Variants in KIF19 observed in about 807,000 individuals in gnomAD.
The protein encoded by KIF19 is kinesin-like protein KIF19.
KIF19 carries 98 observed loss-of-function variants against 106.6 expected under a neutral mutation model. The ratio of observed to expected loss-of-function variants is 0.92; its 90% CI spans 0.78 to 1.09. The LOEUF (loss-of-function observed/expected upper bound fraction) is 1.09. KIF19 is among the 50% of genes least tolerant of loss of function. The pLI is 0.00. For synonymous variants in KIF19, 516 were observed against 584.2 expected (o/e 0.88, Z 1.68); for missense variants, 1,373 against 1,414.3 (o/e 0.97, Z 0.47).
At chr17:74,344,612 C>T in intron 6 of KIF19, 149 bp from the exon 7 acceptor site, 1 of 918,496 alleles carries the variant, frequency 1.1e-6, no homozygotes, top group South Asian at 1.8e-5. Context: ...CACGCCAGGC[C>T]TCTCAGCACA....
At chr17:74,339,873 G>A (rs1376065622) in intron 2 of KIF19, among the ~76,000 whole-genome samples, 1 of 152,176 alleles carries the variant, frequency 6.6e-6, no homozygotes, top group Non-Finnish European at 1.5e-5. Flanking sequence ...GCAGGTGCAG[G>A]GCCTGTGGAA....
chr17:74,350,688 C>T lies in KIF19; in HGVS notation c.1389-19C>T, dbSNP rs1180079465. ...CCCATGGCCTGAATGCCCTGTCTCT[C>T]TGGGTGGGGCTGCGGCAGCTGGAAG... On this transcript the variant is annotated intron_variant, in intron 11 of 19. Transcript: ENST00000389916. 2 of 1,613,302 alleles carry T rather than the reference C, an allele frequency of 1.2e-6. No individual in the cohort carries two copies. The highest frequency in any genetic ancestry group is 2.2e-5 in the East Asian group (1 of 44,886).
In KIF19 at chr17:74,331,895, G is replaced by A. The variant is rs1052088653; in HGVS notation, c.120+3390G>A. ...CCCAGCCGGTTTGGATTTTTAATGG[G>A]GATAGTCCAGTTGCCTTGGAAGGCC... On this transcript the variant is annotated intron_variant, in intron 2 of 19. Transcript: ENST00000389916. This position sits in a 1 kb window ranked among gnomAD's most constrained non-coding sequence, Gnocchi z 4.1. 6.6e-6 allele frequency among the ~76,000 whole-genome samples: 1 copy of A among 151,966 alleles called. No homozygotes were observed. Among genetic ancestry groups the A allele is most frequent in the Non-Finnish European group, 1.5e-5 (1 of 67,980 alleles).
At chr17:74,333,001 G>A (rs550701080) in intron 2 of KIF19, among the ~76,000 whole-genome samples, 49 of 152,332 alleles carry the variant, frequency 3.2e-4, no homozygotes, top group African/African-American at 1.0e-3. Flanking sequence ...GCGCAGCCAC[G>A]CAACTGGGAG....
intron 2 of KIF19, among the ~76,000 whole-genome samples, chr17:74,340,555 G>GCAGACACACACA: frequency 0.015 from 2,185 of 148,296 alleles, 58 homozygotes; most frequent in African/African-American, 0.052. Context: ...ATGCGCGCGC[G>GCAGACACACACA]TACACACACA....
Position 74,354,457 on chromosome 17 carries a change from G to T in KIF19, c.2604G>T (p.Trp868Cys). 6.2e-7 allele frequency: 1 copy of T among 1,610,032 alleles called. No homozygotes were observed. Among genetic ancestry groups the T allele is most frequent in the Admixed American group, 1.7e-5 (1 of 59,542 alleles). Residue 868 changes from tryptophan to cysteine, a missense_variant, in exon 18 of 20, where the codon TGG becomes TGT. Around this residue, in one of 3 missense-constraint regions of KIF19, gnomAD observed 1,020 missense variants for 1,008.2 expected, o/e 1.01. Coordinates refer to ENST00000389916, the MANE Select transcript of KIF19 (RefSeq NM_153209.4). ...ATCATGGGGACGGCCCCAGGCCCTG[G>T]CTGCGTGGCCAGAAGAAAAGCCTGG... Reference protein sequence around the residue: ...VGHHGDGPRPWLRGQKKSLGK... With the variant: ...VGHHGDGPRPCLRGQKKSLGK...
intron 2 of KIF19, among the ~76,000 whole-genome samples, chr17:74,336,929 G>A (rs548211211): frequency 1.3e-5 from 2 of 152,286 alleles, no homozygotes. Context: ...AGGTTTAAGT[G>A]ATTCTCCTGC....
chr17:74,339,045 C>T (rs913608690), intron 2 of KIF19, among the ~76,000 whole-genome samples: 2 of 151,974 alleles, frequency 1.3e-5, no homozygotes, highest in Non-Finnish European at 2.9e-5. Context: ...GTACCCTGCC[C>T]GCTGTTAGGA....
rs916410862 is a variant in KIF19 at position 74,331,796 on chromosome 17, C to T, written c.120+3291C>T. Among the ~76,000 whole-genome samples, 5 of 152,126 alleles carry T rather than the reference C, an allele frequency of 3.3e-5. No individual in the cohort carries two copies. Among genetic ancestry groups the T allele is most frequent in the South Asian group, 2.1e-4 (1 of 4,814 alleles). ...TTTGCTATGGTGGCCAGGCTGGTCT[C>T]GAACTCCTGACCTCAAGTGATACAC... is the stretch of plus-strand genomic sequence containing the variant. On this transcript the variant is annotated intron_variant, in intron 2 of 19. Transcript: ENST00000389916. This position sits in a 1 kb window ranked among gnomAD's most constrained non-coding sequence, Gnocchi z 4.1.
chr17:74,353,647 C>G (rs1414160616), intron 17 of KIF19, 66 bp downstream of exon 17: 2 of 1,324,912 alleles, frequency 1.5e-6, no homozygotes, highest in Admixed American at 3.6e-5. Context: ...GATCACCCAG[C>G]TCAAAGCCCT....
At chr17:74,343,930 C>T (rs1210100225) in intron 5 of KIF19, among the ~76,000 whole-genome samples, 1 of 152,168 alleles carries the variant, frequency 6.6e-6, no homozygotes, top group Admixed American at 6.5e-5. Flanking sequence ...GGGATTCACA[C>T]TCAGGACCCT....
Position 74,353,551 on chromosome 17 carries a change from A to T in KIF19, c.2278A>T (p.Asn760Tyr). 1 of 1,613,796 alleles carries T rather than the reference A, an allele frequency of 6.2e-7. No homozygotes were observed. The highest frequency in any genetic ancestry group is 1.6e-4 in the Middle Eastern group (1 of 6,062). ...WINSSPDSSE[N>Y]LSEIPLSHKE... is the part of the protein sequence containing the mutation. ...CAACTCTTCCCCTGACAGCAGTGAG[A>T]ACCTGTCGGAGATCCCCTTGTCCCA... Residue 760 changes from asparagine (N) to tyrosine (Y), a missense_variant, in exon 17 of 20, where the codon AAC (asparagine) becomes TAC (tyrosine). This residue lies in a region of KIF19 where 1,020 missense variants were observed against 1,008.2 expected (regional missense o/e 1.01). Coordinates refer to ENST00000389916, the MANE Select transcript of KIF19 (RefSeq NM_153209.4).
rs2054858144 is a variant in KIF19, at chr17:74,355,480, A to C, written c.*168A>C. The C allele has an allele frequency of 7.0e-6, 6 of 853,964 alleles. No individual in the cohort carries two copies. The highest frequency in any genetic ancestry group is 1.7e-5 in the African/African-American group (1 of 58,616). 52.9% of individuals were successfully genotyped at this position (853,964 alleles called of 1,614,324 possible). A position where few individuals can be genotyped will look rare whatever the true frequency, so the allele number is the denominator to read the frequency against. On this transcript the variant is annotated 3_prime_UTR_variant, in exon 20 of 20. Coordinates refer to ENST00000389916, the MANE Select transcript of KIF19 (RefSeq NM_153209.4). ...ACTGGGGTCTCTGCCCAACCCTCCC[A>C]TGCTTTCAGTGCCACTGGGGAAAAG...
chr17:74,349,480 A>G (rs2054632686), intron 10 of KIF19, 131 bp downstream of exon 10: 1 of 831,358 alleles, frequency 1.2e-6, no homozygotes, highest in Non-Finnish European at 1.8e-6. Flanking sequence ...GGCACTCACC[A>G]GCTCTGAGCC....
intron 9 of KIF19, 106 bp downstream of exon 9, chr17:74,348,005 C>A: frequency 7.8e-7 from 1 of 1,284,488 alleles, no homozygotes; most frequent in Non-Finnish European, 1.1e-6. Context: ...CCAGCCACTG[C>A]TGCACTGGCC....
At chr17:74,353,174 C>T (rs1320230656) in intron 15 of KIF19, 22 bp from the exon 16 acceptor site, 1 of 1,556,440 alleles carries the variant, frequency 6.4e-7, no homozygotes, top group Non-Finnish European at 8.7e-7. Context: ...TACAGCCACT[C>T]ATCTTCCTCT....
At chr17:74,350,024 C>T (rs1384140776) in intron 10 of KIF19, among the ~76,000 whole-genome samples, 1 of 152,172 alleles carries the variant, frequency 6.6e-6, no homozygotes, top group Non-Finnish European at 1.5e-5. Flanking sequence ...GTCTCGAACT[C>T]CCGACCTCAG....
Position 74,344,834 on chromosome 17 carries a change from G to A in KIF19, c.656G>A (p.Arg219His), listed in dbSNP as rs200024337. 24 of 1,612,678 alleles carry A rather than the reference G, an allele frequency of 1.5e-5. No individual in the cohort carries two copies. Among genetic ancestry groups the A allele is most frequent in the African/African-American group, 4.0e-5 (3 of 75,074 alleles). ...ACGGCCGCCAACCAGACGTCCTCCC[G>A]CTCCCACGCGGTACTGCAGGTGACC... ...EPTAANQTSSRSHAVLQVTVR... is the reference protein window; with the variant it reads ...EPTAANQTSSHSHAVLQVTVR... Residue 219 changes from arginine to histidine, a missense_variant, in exon 7 of 20, where the codon CGC becomes CAC. Around this residue, in one of 3 missense-constraint regions of KIF19, gnomAD observed 348 missense variants for 389.5 expected, o/e 0.89. Coordinates refer to ENST00000389916, the MANE Select transcript of KIF19 (RefSeq NM_153209.4).
rs750558049 is a variant in KIF19, at chr17:74,347,902, G to A, written c.1047+3G>A. 3.2e-6 allele frequency: 5 copies of A among 1,577,476 alleles called. No individual in the cohort carries two copies. In the Admixed American group the frequency reaches 9.1e-5, roughly 29 times the overall value. ...GGGCCAAGAACATTAAGACTAGGGT[G>A]AGGGCCCCTGGACCGTCCACCAGGA... On this transcript the variant is annotated splice_donor_region_variant and intron_variant, in intron 9 of 19. Coordinates refer to ENST00000389916, the MANE Select transcript of KIF19 (RefSeq NM_153209.4).
Sources: allele counts gnomAD v4.1 joint callset (sites outside exome capture counted in the v4.1 genomes callset), GRCh38; gene constraint gnomAD v4.1.1; regional missense constraint gnomAD v4.1.1; non-coding constraint Gnocchi (gnomAD v3.1); transcripts MANE v1.5; gene names NCBI Gene and HGNC (gene_info 2026-07-23, HGNC 2026-07-21).